The following ANTXR2 variants were observed in gnomAD, a reference collection of about 807,000 sequenced individuals.
The protein encoded by ANTXR2 is anthrax toxin receptor 2.
In ANTXR2, 44 loss-of-function variants were observed where a neutral mutation model predicts 73.7. That is an observed-to-expected ratio of 0.60 (90% CI 0.47 to 0.77). ANTXR2 has a LOEUF of 0.77. Among genes scored for constraint, ANTXR2 ranks in the 30% least tolerant of loss-of-function variants. The pLI is 0.00. For missense variants in ANTXR2, 604 were observed against 592.5 expected (o/e 1.02, Z -0.20); for synonymous variants, 217 against 205.9 (o/e 1.05, Z -0.46).
intron 12 of ANTXR2, among the ~76,000 whole-genome samples, chr4:79,986,082 G>A (rs922443454): frequency 6.6e-6 from 1 of 152,006 alleles, no homozygotes; most frequent in Admixed American, 6.6e-5. Flanking sequence ...GATCTCGGGT[G>A]ATCCACCCGC....
intron 3 of ANTXR2, among the ~76,000 whole-genome samples, chr4:80,058,962 G>A (rs1292752409): frequency 2.6e-5 from 4 of 152,030 alleles, no homozygotes; most frequent in Non-Finnish European, 5.9e-5. Context: ...CCCCCAAGTA[G>A]TTGCTATGTA....
intron 7 of ANTXR2, among the ~76,000 whole-genome samples, chr4:80,051,844 A>G (rs1733786268): frequency 6.6e-6 from 1 of 151,698 alleles, no homozygotes; most frequent in Admixed American, 6.6e-5. Context: ...CTTTGCTATT[A>G]AGAAATTAAT....
chr4:79,931,110 T>A (rs1238529652), intron 16 of ANTXR2, among the ~76,000 whole-genome samples: 5 of 152,200 alleles, frequency 3.3e-5, no homozygotes, highest in African/African-American at 1.2e-4. Context: ...CCAAATCTAA[T>A]CAACTAAACC....
At chr4:79,925,444 C>T (rs1480973586) in intron 16 of ANTXR2, among the ~76,000 whole-genome samples, 1 of 151,906 alleles carries the variant, frequency 6.6e-6, no homozygotes, top group Non-Finnish European at 1.5e-5. Context: ...ATTCCAGGCA[C>T]AAATATTGGT....
At chr4:80,062,819 T>C (rs1442595633) in intron 3 of ANTXR2, among the ~76,000 whole-genome samples, 1 of 152,220 alleles carries the variant, frequency 6.6e-6, no homozygotes, top group African/African-American at 2.4e-5. Flanking sequence ...GTGTGAACCC[T>C]GGCTCTAGCT....
intron 16 of ANTXR2, among the ~76,000 whole-genome samples, chr4:79,946,515 C>T (rs1210652348): frequency 1.3e-5 from 2 of 152,056 alleles, no homozygotes; most frequent in Non-Finnish European, 2.9e-5. Flanking sequence ...TCACATCAAT[C>T]AATCATTGAA....
At chr4:80,050,404 GT>G (rs1351342495) in intron 7 of ANTXR2, among the ~76,000 whole-genome samples, 1 of 151,490 alleles carries the variant, frequency 6.6e-6, no homozygotes, top group East Asian at 1.9e-4. Flanking sequence ...CCTTGTTTAA[GT>G]AGATTGGGGG....
chr4:80,045,548 T>G (rs1394251086), intron 7 of ANTXR2, among the ~76,000 whole-genome samples: 1 of 150,688 alleles, frequency 6.6e-6, no homozygotes, highest in Non-Finnish European at 1.5e-5. Context: ...CAGAAAATAT[T>G]GGCAAGGGTA....
At chr4:79,998,178 G>A (rs77898609) in intron 12 of ANTXR2, among the ~76,000 whole-genome samples, 239 of 151,918 alleles carry the variant, frequency 1.6e-3, no homozygotes, top group Non-Finnish European at 2.8e-3. Context: ...TATCATCATC[G>A]CGTGAGATCA....
Position 80,008,563 on chromosome 4 carries a change from C to T in ANTXR2, c.999G>A (p.Gly333=). Residue 333 remains glycine, a synonymous_variant, in exon 12 of 17, where the codon GGG becomes GGA. Transcript: ENST00000403729. ...IVILVLLLLL[G]IGLMWWFWPL... is the part of the protein sequence containing the mutation. ...GCCAAAACCACCACATCAAACCGAT[C>T]CCCAGGAGTAGCAGTAACACCAAAA... is the stretch of plus-strand genomic sequence containing the variant. 1.2e-6 allele frequency: 2 copies of T among 1,608,334 alleles called. No homozygotes were observed. The highest frequency in any genetic ancestry group is 1.7e-6 in the Non-Finnish European group (2 of 1,177,754).
chr4:79,981,604 A>G (rs996665741), intron 14 of ANTXR2, among the ~76,000 whole-genome samples: 41 of 152,154 alleles, frequency 2.7e-4, no homozygotes, highest in Non-Finnish European at 4.7e-4. Context: ...TCCCCAAGAT[A>G]TCATATTAAG....
At chr4:80,064,356 A>T (rs1231612583) in intron 3 of ANTXR2, among the ~76,000 whole-genome samples, 3 of 152,228 alleles carry the variant, frequency 2.0e-5, no homozygotes, top group Non-Finnish European at 4.4e-5. Context: ...TCACAAAAAA[A>T]GACAATCTAT....
chr4:79,924,224 T>C (rs1727695958), intron 16 of ANTXR2, among the ~76,000 whole-genome samples: 1 of 152,168 alleles, frequency 6.6e-6, no homozygotes, highest in Admixed American at 6.6e-5. Flanking sequence ...TTTAAAATGC[T>C]CTCAAAATTG....
At chr4:79,952,431 G>A (rs1403355339) in intron 16 of ANTXR2, among the ~76,000 whole-genome samples, 2 of 151,404 alleles carry the variant, frequency 1.3e-5, no homozygotes, top group Admixed American at 6.6e-5. Flanking sequence ...ATTTTTTCTC[G>A]AGAACCTGTT....
At chr4:80,063,341 A>G (rs989635529) in intron 3 of ANTXR2, among the ~76,000 whole-genome samples, 1 of 152,210 alleles carries the variant, frequency 6.6e-6, no homozygotes, top group African/African-American at 2.4e-5. Context: ...GACTCTCCAT[A>G]GTAATGGTTG....
At chr4:80,003,034 C>A (rs2110048114) in intron 12 of ANTXR2, among the ~76,000 whole-genome samples, 1 of 147,130 alleles carries the variant, frequency 6.8e-6, no homozygotes, top group Non-Finnish European at 1.5e-5. Context: ...CTAGAAATAC[C>A]ATTTGACCCA....
chr4:80,038,312 T>C (rs892913184), intron 7 of ANTXR2, among the ~76,000 whole-genome samples: 1 of 152,156 alleles, frequency 6.6e-6, no homozygotes, highest in African/African-American at 2.4e-5. Flanking sequence ...TGACTTGGTC[T>C]TTTAATTTGA....
intron 11 of ANTXR2, among the ~76,000 whole-genome samples, chr4:80,010,767 C>T (rs1357132820): frequency 3.3e-5 from 5 of 151,936 alleles, no homozygotes; most frequent in Admixed American, 1.3e-4. Context: ...TTAGTAGCAT[C>T]GACAAAATAT....
chr4:79,913,511 TAA>T (rs1235113063), intron 16 of ANTXR2, among the ~76,000 whole-genome samples: 19 of 152,156 alleles, frequency 1.2e-4, no homozygotes, highest in Non-Finnish European at 1.0e-4. Flanking sequence ...GAAATAAATA[TAA>T]GAGAGGCTCT....
Sources: allele counts gnomAD v4.1 joint callset (sites outside exome capture counted in the v4.1 genomes callset), GRCh38; gene constraint gnomAD v4.1.1; transcripts MANE v1.5; gene names NCBI Gene and HGNC (gene_info 2026-07-23, HGNC 2026-07-21).